XKR9: variants seen among roughly 807,000 people sequenced by gnomAD.
The protein encoded by XKR9 is XK related 9, also known as XK-related protein 9.
A neutral mutation model predicts 32.0 loss-of-function variants in XKR9; 32 were observed. That is an observed-to-expected ratio of 1.00 (90% confidence interval 0.76 to 1.34). XKR9 has a LOEUF of 1.34. XKR9 is among the 40% of genes most tolerant of loss of function. The pLI is 0.00. For synonymous variants in XKR9, 168 were observed against 143.4 expected (o/e 1.17, Z -1.22); for missense variants, 546 against 429.7 (o/e 1.27, Z -2.39).
chr8:71,021,825 A>G, the XKR9 span, among the ~76,000 whole-genome samples: 7,962 of 152,252 alleles, frequency 0.052, 307 homozygotes, highest in Non-Finnish European at 0.087. Context: ...TTTGCTGTAC[A>G]GAAGCTCTTC....
intron 2 of XKR9, among the ~76,000 whole-genome samples, chr8:70,744,421 A>G (rs918180026): frequency 1.3e-5 from 2 of 152,098 alleles, no homozygotes; most frequent in South Asian, 2.1e-4. Flanking sequence ...TGCAATATAG[A>G]TATTATTATC....
chr8:70,792,695 G>A (rs183277939), downstream of XKR9, among the ~76,000 whole-genome samples: 576 of 152,192 alleles, frequency 3.8e-3, 18 homozygotes, highest in Admixed American at 0.029. Context: ...GAAGGTTTCT[G>A]AGAAGCAAGA....
chr8:70,745,415 A>G (rs140321961), intron 2 of XKR9, among the ~76,000 whole-genome samples: 2 of 152,230 alleles, frequency 1.3e-5, no homozygotes, highest in Non-Finnish European at 2.9e-5. Flanking sequence ...GAACACTCAT[A>G]TGCACCTATA....
the XKR9 span, among the ~76,000 whole-genome samples, chr8:70,898,988 A>T: frequency 1.3e-5 from 2 of 152,126 alleles, no homozygotes; most frequent in African/African-American, 4.8e-5. Context: ...ATCATAGCTC[A>T]CTGCAGCCTT....
chr8:70,725,615 A>T (rs1478178762), intron 4 of XKR9, among the ~76,000 whole-genome samples: 1 of 152,072 alleles, frequency 6.6e-6, no homozygotes, highest in East Asian at 1.9e-4. Flanking sequence ...GACTTAAAAA[A>T]GTTCATGGGG....
At chr8:70,955,251 A>G in the XKR9 span, among the ~76,000 whole-genome samples, 7 of 152,186 alleles carry the variant, frequency 4.6e-5, no homozygotes, top group African/African-American at 1.7e-4. Flanking sequence ...ATCCCCAGGT[A>G]AAGGCTGCTA....
chr8:70,811,204 G>A, the XKR9 span, among the ~76,000 whole-genome samples: 5 of 152,124 alleles, frequency 3.3e-5, no homozygotes, highest in East Asian at 1.9e-4. Flanking sequence ...GGTACATAAC[G>A]AAATGAAGGC....
chr8:71,063,922 C>T, the XKR9 span, among the ~76,000 whole-genome samples: 4 of 152,092 alleles, frequency 2.6e-5, no homozygotes, highest in African/African-American at 4.8e-5. Context: ...ATGGGAAGAA[C>T]GGGGTATGTA....
At chr8:70,672,951 T>C (rs1408559650) in intron 1 of XKR9, among the ~76,000 whole-genome samples, 1 of 152,234 alleles carries the variant, frequency 6.6e-6, no homozygotes, top group Admixed American at 6.5e-5. Context: ...CCTTGTATGT[T>C]CTGGATATTA....
chr8:70,744,899 C>A (rs559487558), intron 2 of XKR9, among the ~76,000 whole-genome samples: 1 of 150,312 alleles, frequency 6.7e-6, no homozygotes, highest in African/African-American at 2.4e-5. Context: ...AGTTACCATG[C>A]CAGCCTGAAT....
chr8:70,908,693 A>C, the XKR9 span, among the ~76,000 whole-genome samples: 1 of 152,222 alleles, frequency 6.6e-6, no homozygotes, highest in Non-Finnish European at 1.5e-5. Flanking sequence ...TGTTCCAATT[A>C]AACTTTATTT....
rs556845234 is a variant in XKR9 at position 70,766,729 on chromosome 8, G to C, written n.353-22610G>C. Among the ~76,000 whole-genome samples the C allele has an allele frequency of 2.6e-5, 4 of 152,216 alleles. No individual in the cohort carries two copies. In the South Asian group the frequency reaches 8.3e-4, roughly 32 times the overall value. ...GCCCATTCAGTATGATATTGGCTGT[G>C]GGTTTGTCATAAATAGCTCTTATTA... On this transcript the variant is annotated intron_variant and non_coding_transcript_variant, in intron 2 of 3. Coordinates refer to the XKR9 transcript ENST00000520273.
chr8:70,770,703 G>T (rs1807442103), intron 2 of XKR9, among the ~76,000 whole-genome samples: 1 of 152,168 alleles, frequency 6.6e-6, no homozygotes, highest in Non-Finnish European at 1.5e-5. Context: ...CAGTGGCTTT[G>T]TTTACACTGT....
At chr8:70,837,667 G>A in the XKR9 span, among the ~76,000 whole-genome samples, 3 of 152,138 alleles carry the variant, frequency 2.0e-5, no homozygotes, top group Non-Finnish European at 2.9e-5. Context: ...AATCTTGGTC[G>A]TGCTGGTCTC....
the XKR9 span, among the ~76,000 whole-genome samples, chr8:71,028,902 C>G: frequency 1.0e-5 from 1 of 98,902 alleles, no homozygotes; most frequent in African/African-American, 3.8e-5. Flanking sequence ...GAGAGAGACA[C>G]ACAGAAAGAG....
At chr8:71,021,059 G>T in the XKR9 span, among the ~76,000 whole-genome samples, 1 of 152,172 alleles carries the variant, frequency 6.6e-6, no homozygotes, top group African/African-American at 2.4e-5. Flanking sequence ...AAAATAAGAA[G>T]AAGCCATTGT....
At chr8:70,747,473 A>T (rs960200291) in intron 2 of XKR9, among the ~76,000 whole-genome samples, 2 of 152,214 alleles carry the variant, frequency 1.3e-5, no homozygotes, top group Non-Finnish European at 2.9e-5. Flanking sequence ...GAAGTAGAAG[A>T]GAGACCTGAG....
the XKR9 span, among the ~76,000 whole-genome samples, chr8:70,824,477 T>G: frequency 1.3e-5 from 2 of 152,080 alleles, no homozygotes; most frequent in Non-Finnish European, 2.9e-5. Context: ...TCATACCACC[T>G]TGAGCAAAAT....
chr8:70,917,448 T>A, the XKR9 span, among the ~76,000 whole-genome samples: 2 of 152,186 alleles, frequency 1.3e-5, no homozygotes, highest in East Asian at 3.8e-4. Context: ...TATTAATGGT[T>A]CCCAACTCAT....
Sources: gnomAD v4.1 joint callset for allele counts (sites outside exome capture counted in the v4.1 genomes callset) on GRCh38, gnomAD v4.1.1 for gene constraint, MANE v1.5 for transcripts, NCBI Gene and HGNC (gene_info 2026-07-23, HGNC 2026-07-21) for gene names.